The following AEBP2 variants were observed in gnomAD, a reference collection of about 807,000 sequenced individuals.
AEBP2 encodes the protein zinc finger protein AEBP2.
AEBP2 carries 10 observed loss-of-function variants against 50.8 expected under a neutral mutation model. That is an observed-to-expected ratio of 0.20 (90% CI 0.12 to 0.33). The LOEUF is 0.33. Among genes scored for constraint, AEBP2 ranks in the 10% least tolerant of loss-of-function variants. AEBP2 has a pLI of 1.00. For synonymous variants in AEBP2, 296 were observed against 261.3 expected (o/e 1.13, Z -1.28); for missense variants, 570 against 688.0 (o/e 0.83, Z 1.92).
chr12:19,494,009 CTGGTGTATTTCA>C (rs66556640), intron 4 of AEBP2, 23 bp downstream of exon 4: 904,651 of 1,561,298 alleles, frequency 0.58, 268,079 homozygotes, highest in Non-Finnish European at 0.62. Context: ...CTGAGAAAAT[CTGGTGTATTTCA>C]TGGTTTTAAA....
At chr12:19,473,089 G>A (rs1475095409) in intron 2 of AEBP2, among the ~76,000 whole-genome samples, 159 bp from the exon 3 acceptor site, 3 of 152,044 alleles carry the variant, frequency 2.0e-5, no homozygotes, top group Admixed American at 1.3e-4. Flanking sequence ...ATACTAGGAT[G>A]TTTTGACAGT....
intron 2 of AEBP2, among the ~76,000 whole-genome samples, chr12:19,467,038 AT>A (rs1447809753): frequency 6.6e-6 from 1 of 152,094 alleles, no homozygotes; most frequent in Non-Finnish European, 1.5e-5. Context: ...TGGAGTTTAG[AT>A]TTTCCTGGCC....
Position 19,519,323 on chromosome 12 carries a change from A to G in AEBP2, c.*1206A>G, listed in dbSNP as rs1352220303. 6.6e-6 allele frequency: 1 copy of G among 152,592 alleles called. No individual in the cohort carries two copies. Among genetic ancestry groups the G allele is most frequent in the Non-Finnish European group, 1.5e-5 (1 of 67,988 alleles). The allele number at this position is 152,592 out of a possible 1,614,324, so 9.5% of individuals were successfully genotyped here. ...TAGAAATAATATTGAAGGATATTGT[A>G]CTTCACTAGTGCTGCCAGAGGAATT... On this transcript the variant is annotated 3_prime_UTR_variant, in exon 8 of 8. Transcript: ENST00000266508.
chr12:19,469,205 C>T (rs1289599137), intron 2 of AEBP2, among the ~76,000 whole-genome samples: 4 of 152,144 alleles, frequency 2.6e-5, no homozygotes, highest in Non-Finnish European at 5.9e-5. Context: ...GGATTACAGG[C>T]GTGAGCCACT....
At position 19,518,096 on chromosome 12, in the gene AEBP2, G is replaced by T; in HGVS notation, c.1491G>T (p.Pro497=). The T allele has an allele frequency of 6.3e-7, 1 of 1,597,938 alleles. No individual in the cohort carries two copies. Among genetic ancestry groups the T allele is most frequent in the Non-Finnish European group, 8.5e-7 (1 of 1,171,534 alleles). ...TTTTCTCTTTTTCTAGAACAATGCC[G>T]CAGAAGAGGTTGAAGAGGTAAAAAA... ...LLDPNIYRTM[P]QKRLKR is the part of the protein sequence containing the mutation. The change falls in exon 8 of 8, where the codon CCG becomes CCT. Residue 497 remains proline (P), a synonymous_variant. Transcript: ENST00000266508.
At chr12:19,472,420 T>C (rs1188946666) in intron 2 of AEBP2, among the ~76,000 whole-genome samples, 1 of 152,158 alleles carries the variant, frequency 6.6e-6, no homozygotes, top group Non-Finnish European at 1.5e-5. Flanking sequence ...AGTTAGGAAA[T>C]TGACATGTCA....
intron 1 of AEBP2, among the ~76,000 whole-genome samples, chr12:19,418,589 A>G (rs2095743880): frequency 6.6e-6 from 1 of 151,876 alleles, no homozygotes; most frequent in Non-Finnish European, 1.5e-5. Context: ...ATTTGAATCT[A>G]CCCAATATGA....
At chr12:19,449,705 A>G (rs1184156531) in intron 1 of AEBP2, among the ~76,000 whole-genome samples, 1 of 152,222 alleles carries the variant, frequency 6.6e-6, no homozygotes, top group Non-Finnish European at 1.5e-5. Flanking sequence ...CAGTGGTAAT[A>G]GCTTGTAGTA....
chr12:19,462,950 CTT>C (rs1243871117), intron 2 of AEBP2, among the ~76,000 whole-genome samples: 1 of 152,080 alleles, frequency 6.6e-6, no homozygotes, highest in African/African-American at 2.4e-5. Context: ...AGAAATTAGA[CTT>C]TTAAAAGTAT....
intron 3 of AEBP2, among the ~76,000 whole-genome samples, chr12:19,485,428 C>T (rs1233982211): frequency 6.6e-6 from 1 of 152,032 alleles, no homozygotes; most frequent in Non-Finnish European, 1.5e-5. Flanking sequence ...ACAGAGTAGG[C>T]CGGGTGTCCT....
intron 4 of AEBP2, 95 bp from the exon 5 acceptor site, chr12:19,500,002 A>T (rs137870569): frequency 4.3e-5 from 49 of 1,127,744 alleles, no homozygotes; most frequent in Non-Finnish European, 6.1e-5. Context: ...TTTAAATACT[A>T]TTGATAGATA....
intron 1 of AEBP2, chr12:19,456,566 G>A: frequency 6.5e-7 from 1 of 1,539,870 alleles, no homozygotes; most frequent in Non-Finnish European, 9.0e-7. Context: ...CAGGGGCATA[G>A]CCAGCACTTA....
chr12:19,510,379 A>T (rs1325286725), intron 5 of AEBP2, among the ~76,000 whole-genome samples: 1 of 152,158 alleles, frequency 6.6e-6, no homozygotes, highest in African/African-American at 2.4e-5. Context: ...AACGCAGAAA[A>T]GGTGATAATG....
intron 5 of AEBP2, among the ~76,000 whole-genome samples, chr12:19,511,579 A>C (rs1426731003): frequency 1.3e-5 from 2 of 152,204 alleles, no homozygotes; most frequent in Non-Finnish European, 2.9e-5. Context: ...CCTTCTGGGC[A>C]CTGAGTGGGA....
chr12:19,451,175 A>G (rs1181304437), intron 1 of AEBP2, among the ~76,000 whole-genome samples: 2 of 152,216 alleles, frequency 1.3e-5, no homozygotes, highest in Admixed American at 6.5e-5. Context: ...GTTTAAAACG[A>G]CAGCATTTAT....
intron 1 of AEBP2, among the ~76,000 whole-genome samples, chr12:19,405,548 T>G (rs968269369): frequency 6.6e-6 from 1 of 151,860 alleles, no homozygotes; most frequent in African/African-American, 2.4e-5. Flanking sequence ...ATGGTCTCCA[T>G]CTCTTGACCT....
At chr12:19,504,680 C>A (rs1410162828) in intron 5 of AEBP2, among the ~76,000 whole-genome samples, 2 of 152,140 alleles carry the variant, frequency 1.3e-5, no homozygotes, top group African/African-American at 4.8e-5. Context: ...TTGAGCCTGG[C>A]AGGAGAGCCT....
At chr12:19,419,078 C>T (rs1457346401) in intron 1 of AEBP2, 2 of 165,900 alleles carry the variant, frequency 1.2e-5, no homozygotes, top group African/African-American at 4.8e-5. Flanking sequence ...GGATGTCCTT[C>T]TTACAGGTTG....
At chr12:19,459,801 G>T (rs1948340301) in intron 1 of AEBP2, among the ~76,000 whole-genome samples, 3 of 152,078 alleles carry the variant, frequency 2.0e-5, no homozygotes, top group Non-Finnish European at 4.4e-5. Context: ...TTAAATACTA[G>T]AATATCCTTT....
Sources: allele counts gnomAD v4.1 joint callset (sites outside exome capture counted in the v4.1 genomes callset), GRCh38; gene constraint gnomAD v4.1.1; transcripts MANE v1.5; gene names NCBI Gene and HGNC (gene_info 2026-07-23, HGNC 2026-07-21).